SGCZ: variants seen among roughly 807,000 people sequenced by gnomAD.
SGCZ encodes the protein zeta-sarcoglycan.
In SGCZ, 40 loss-of-function variants were observed where a neutral mutation model predicts 41.3. That is an observed-to-expected ratio of 0.97 (90% CI 0.75 to 1.26). SGCZ has a LOEUF of 1.26. Among genes scored for constraint, SGCZ ranks in the 50% most tolerant of loss-of-function variants. The pLI, the probability that SGCZ is intolerant of heterozygous loss-of-function variation, is 0.00. For missense variants in SGCZ, 552 were observed against 369.8 expected (o/e 1.49, Z -4.04); for synonymous variants, 206 against 137.5 (o/e 1.50, Z -3.49).
chr8:14,497,075 T>C (rs1478331892), intron 2 of SGCZ, among the ~76,000 whole-genome samples: 5 of 152,190 alleles, frequency 3.3e-5, no homozygotes, highest in African/African-American at 1.2e-4. Context: ...CTTCTGTAAA[T>C]AGCCTCCTTA....
intron 1 of SGCZ, among the ~76,000 whole-genome samples, chr8:15,014,941 G>A (rs192780569): frequency 1.0e-3 from 152 of 152,266 alleles, no homozygotes; most frequent in African/African-American, 3.5e-3. Flanking sequence ...CTCATTAGGG[G>A]CCTCAAATTT....
At chr8:14,791,099 A>G (rs1361743413) in intron 1 of SGCZ, among the ~76,000 whole-genome samples, 1 of 152,120 alleles carries the variant, frequency 6.6e-6, no homozygotes, top group Non-Finnish European at 1.5e-5. Flanking sequence ...TATTGCTATT[A>G]TAACAAAAAT....
intron 4 of SGCZ, among the ~76,000 whole-genome samples, chr8:14,166,554 C>T (rs1361115247): frequency 6.6e-6 from 1 of 152,098 alleles, no homozygotes; most frequent in Non-Finnish European, 1.5e-5. Context: ...CACATAAAAC[C>T]TCAATATTTA....
intron 4 of SGCZ, among the ~76,000 whole-genome samples, chr8:14,220,966 G>A (rs1275149574): frequency 1.3e-5 from 2 of 151,694 alleles, no homozygotes; most frequent in Non-Finnish European, 2.9e-5. Context: ...TGAGTCTTTG[G>A]ACATGAACTT....
intron 5 of SGCZ, among the ~76,000 whole-genome samples, chr8:14,113,200 C>T (rs752995822): frequency 6.6e-6 from 1 of 152,072 alleles, no homozygotes; most frequent in Admixed American, 6.6e-5. Context: ...TTTTGCCCAG[C>T]ATTCAATACT....
At chr8:14,383,227 G>T (rs932405605) in intron 2 of SGCZ, among the ~76,000 whole-genome samples, 2 of 152,160 alleles carry the variant, frequency 1.3e-5, no homozygotes, top group African/African-American at 4.8e-5. Flanking sequence ...ACCAATTAAT[G>T]TGAATAATTA....
chr8:14,752,129 A>T (rs972861276), intron 1 of SGCZ, among the ~76,000 whole-genome samples: 1 of 68,464 alleles, frequency 1.5e-5, no homozygotes. Flanking sequence ...AAAACAAAAA[A>T]GCCAAAAAAA....
At chr8:15,069,589 A>G (rs1805277107) in intron 1 of SGCZ, among the ~76,000 whole-genome samples, 2 of 152,182 alleles carry the variant, frequency 1.3e-5, no homozygotes, top group African/African-American at 4.8e-5. Context: ...TGAATTCCCC[A>G]CTTTTAATTC....
At chr8:14,224,878 G>T (rs1045485100) in intron 4 of SGCZ, among the ~76,000 whole-genome samples, 1 of 152,030 alleles carries the variant, frequency 6.6e-6, no homozygotes, top group South Asian at 2.1e-4. Flanking sequence ...CCCTACCAAC[G>T]TTTTCCTCAA....
intron 1 of SGCZ, chr8:14,853,299 C>T (rs1803407636): frequency 4.5e-6 from 1 of 221,982 alleles, no homozygotes; most frequent in African/African-American, 2.3e-5. Flanking sequence ...GAAAGACAAG[C>T]TTCCAAACAC....
Position 14,955,369 on chromosome 8 carries a change from C to T in SGCZ, c.39+282216G>A, listed in dbSNP as rs568243013. Among the ~76,000 whole-genome samples, 54 of 152,242 alleles carry T rather than the reference C, an allele frequency of 3.5e-4. No individual in the cohort carries two copies. In the South Asian group the frequency reaches 9.1e-3, roughly 26 times the overall value. On this transcript the variant is annotated intron_variant, in intron 1 of 7. Coordinates refer to ENST00000382080, the MANE Select transcript of SGCZ (RefSeq NM_139167.4). Reference sequence around the variant, plus strand: ...ACACGACTGGAGATCCTGGTTCTTCCCAGCTGGGGCTCAAACGTACAATGT... The same window carrying T: ...ACACGACTGGAGATCCTGGTTCTTCTCAGCTGGGGCTCAAACGTACAATGT...
intron 1 of SGCZ, among the ~76,000 whole-genome samples, chr8:15,006,660 T>G (rs1014872146): frequency 1.3e-5 from 2 of 152,190 alleles, no homozygotes; most frequent in African/African-American, 4.8e-5. Context: ...ATGTTGGAAC[T>G]GGTACTACTG....
intron 4 of SGCZ, among the ~76,000 whole-genome samples, chr8:14,193,379 G>A (rs1422709728): frequency 6.6e-6 from 1 of 151,152 alleles, no homozygotes; most frequent in Non-Finnish European, 1.5e-5. Context: ...TGTAACAGTT[G>A]AATGAGTGAG....
chr8:14,333,829 G>T (rs144664960), intron 2 of SGCZ, among the ~76,000 whole-genome samples: 1 of 152,044 alleles, frequency 6.6e-6, no homozygotes, highest in Non-Finnish European at 1.5e-5. Flanking sequence ...ATTTAAAATG[G>T]AGTTATATTT....
At chr8:14,285,566 G>T (rs1216579348) in intron 3 of SGCZ, among the ~76,000 whole-genome samples, 1 of 116,962 alleles carries the variant, frequency 8.5e-6, no homozygotes, top group East Asian at 2.6e-4. Flanking sequence ...CCTATCTAAA[G>T]TGTTGATTTT....
Position 14,251,930 on chromosome 8 carries a change from G to C in SGCZ, c.337-14251C>G, listed in dbSNP as rs1197071822. Among the ~76,000 whole-genome samples, 3 of 152,072 alleles carry C rather than the reference G, an allele frequency of 2.0e-5. No individual in the cohort carries two copies. In the East Asian group the frequency reaches 5.8e-4, roughly 30 times the overall value. On this transcript the variant is annotated intron_variant, in intron 3 of 7. Transcript: ENST00000382080. ...TTGCAATGTTGGCCAGGATGGTCTCGAACTCCTGACCTTAGGTCATCCTCC... is the reference window on the plus strand; with the variant it reads ...TTGCAATGTTGGCCAGGATGGTCTCCAACTCCTGACCTTAGGTCATCCTCC...
intron 3 of SGCZ, among the ~76,000 whole-genome samples, chr8:14,264,057 A>G (rs1799774077): frequency 6.6e-6 from 1 of 152,202 alleles, no homozygotes; most frequent in Non-Finnish European, 1.5e-5. Flanking sequence ...CCCCAGCAGT[A>G]TGGTCTCATG....
chr8:15,033,141 C>T (rs532861427), intron 1 of SGCZ, among the ~76,000 whole-genome samples: 201 of 151,978 alleles, frequency 1.3e-3, no homozygotes, highest in African/African-American at 4.2e-3. Context: ...AGGGTCCAGG[C>T]CCATCCCACT....
intron 1 of SGCZ, among the ~76,000 whole-genome samples, chr8:14,695,421 C>G (rs17268076): frequency 0.015 from 2,354 of 152,098 alleles, 37 homozygotes; most frequent in South Asian, 0.084. Context: ...ATTGTGGAAA[C>G]TTTATCTCAT....
Sources: allele counts gnomAD v4.1 joint callset (sites outside exome capture counted in the v4.1 genomes callset), GRCh38; gene constraint gnomAD v4.1.1; transcripts MANE v1.5; gene names NCBI Gene and HGNC (gene_info 2026-07-23, HGNC 2026-07-21).